The following ACYP2 variants were observed in gnomAD, a reference collection of about 807,000 sequenced individuals.
ACYP2 encodes the protein acylphosphatase 2.
Under a neutral mutation model 11.2 loss-of-function variants are expected in ACYP2, and 12 were observed. That is an observed-to-expected ratio of 1.08 (90% CI 0.69 to 1.74). ACYP2 has a LOEUF of 1.74. ACYP2 is among the 40% of genes most tolerant of loss of function. The pLI is 0.00. For missense variants in ACYP2, 134 were observed against 101.9 expected, an observed-to-expected ratio of 1.31 and a Z score of -1.35; for synonymous variants, 43 against 32.2, an observed-to-expected ratio of 1.33 and a Z score of -1.13.
chr2:54,274,472 C>T (rs71413259), intron 6 of ACYP2, among the ~76,000 whole-genome samples: 1 of 151,688 alleles, frequency 6.6e-6, no homozygotes. Flanking sequence ...GAGCCCATTT[C>T]TACAAAATAA....
At chr2:54,149,144 AAG>A (rs1386458079) in intron 6 of ACYP2, among the ~76,000 whole-genome samples, 4 of 152,230 alleles carry the variant, frequency 2.6e-5, no homozygotes, top group South Asian at 2.1e-4. Flanking sequence ...TATTTTTAAA[AAG>A]AGAAAAATTT....
At chr2:54,069,428 C>T (rs1049871681) in intron 4 of ACYP2, among the ~76,000 whole-genome samples, 7 of 151,914 alleles carry the variant, frequency 4.6e-5, no homozygotes, top group African/African-American at 1.7e-4. Flanking sequence ...TTTGGGAGGC[C>T]GAGGCGGGTG....
At chr2:54,035,095 C>G (rs1014089848) in intron 2 of ACYP2, among the ~76,000 whole-genome samples, 3 of 150,392 alleles carry the variant, frequency 2.0e-5, no homozygotes, top group Non-Finnish European at 3.0e-5. Flanking sequence ...TTTAAGAGCC[C>G]CAGCCTTGGG....
rs543309574 is a variant in ACYP2 at position 54,041,019 on chromosome 2, G to C, written c.63-9939G>C. On this transcript the variant is annotated intron_variant, in intron 2 of 6. Coordinates refer to ENST00000607452, the MANE Select transcript of ACYP2 (RefSeq NM_001320586.2). ...AGAATTGCTGGAGTGATGTCCTTGA[G>C]TAGGTGGTGTCTGGTTCACAAGGAA... Among the ~76,000 whole-genome samples, 4 of 152,316 alleles carry C rather than the reference G, an allele frequency of 2.6e-5. 1 individual carries two copies. Among genetic ancestry groups the C allele is most frequent in the African/African-American group, 9.6e-5 (4 of 41,580 alleles).
intron 6 of ACYP2, among the ~76,000 whole-genome samples, chr2:54,176,061 A>G (rs1683447291): frequency 6.6e-6 from 1 of 152,150 alleles, no homozygotes; most frequent in Admixed American, 6.6e-5. Flanking sequence ...TGGTGCCTCA[A>G]TCTTGGAATT....
intron 6 of ACYP2, among the ~76,000 whole-genome samples, chr2:54,198,343 T>G (rs562214526): frequency 3.9e-5 from 6 of 152,002 alleles, no homozygotes; most frequent in African/African-American, 1.4e-4. Context: ...AAGAACACTC[T>G]GGCTGCTGTG....
chr2:54,175,600 T>A (rs1212819812), intron 6 of ACYP2, among the ~76,000 whole-genome samples: 1 of 152,168 alleles, frequency 6.6e-6, no homozygotes, highest in Non-Finnish European at 1.5e-5. Context: ...CTCTTGCTTC[T>A]CTAGTTCTTT....
chr2:54,287,194 C>T (rs985318612), intron 6 of ACYP2, among the ~76,000 whole-genome samples: 16 of 151,896 alleles, frequency 1.1e-4, no homozygotes, highest in African/African-American at 3.4e-4. Context: ...ATCTCTTCTT[C>T]CAAGGTGGCA....
At chr2:54,115,178 C>A (rs1370200378) in intron 4 of ACYP2, among the ~76,000 whole-genome samples, 2 of 152,148 alleles carry the variant, frequency 1.3e-5, no homozygotes, top group African/African-American at 4.8e-5. Context: ...GAGAGTAGAT[C>A]TTAAATGTTC....
In ACYP2 at chr2:54,201,612, C is replaced by G. The variant is rs1232452600; in HGVS notation, c.404+62864C>G. 1.2e-3 allele frequency among the ~76,000 whole-genome samples: 94 copies of G among 77,804 alleles called. 2 individuals carry two copies. The highest frequency in any genetic ancestry group is 3.7e-3 in the African/African-American group (77 of 20,634). The allele number at this position is 77,804 out of a possible 152,430, so 51.0% of individuals were successfully genotyped here. On this transcript the variant is annotated intron_variant, in intron 6 of 6. Coordinates refer to ENST00000607452, the MANE Select transcript of ACYP2 (RefSeq NM_001320586.2). The stretch of plus-strand genomic sequence containing the variant: ...TTTCTTTCTCTTTCTTTCTTTCTTT[C>G]TTTCTTTCTTTGTTTCTTTCTTTCT...
chr2:54,118,508 G>A (rs1477940736), intron 4 of ACYP2, among the ~76,000 whole-genome samples: 1 of 152,182 alleles, frequency 6.6e-6, no homozygotes, highest in Non-Finnish European at 1.5e-5. Flanking sequence ...CAGTAACTTG[G>A]ACAAGCCCTT....
intron 6 of ACYP2, among the ~76,000 whole-genome samples, chr2:54,286,177 G>A (rs1241333255): frequency 6.6e-6 from 1 of 150,558 alleles, no homozygotes; most frequent in Non-Finnish European, 1.5e-5. Context: ...AGGATTTCTT[G>A]AGCCCAGGCA....
chr2:54,009,756 T>C (rs1673263198), intron 2 of ACYP2, among the ~76,000 whole-genome samples: 1 of 152,114 alleles, frequency 6.6e-6, no homozygotes, highest in Non-Finnish European at 1.5e-5. Flanking sequence ...GTAACCAGGC[T>C]ACAAGGAGGA....
At chr2:53,997,259 A>G (rs1672615476) in intron 2 of ACYP2, among the ~76,000 whole-genome samples, 1 of 152,294 alleles carries the variant, frequency 6.6e-6, no homozygotes, top group South Asian at 2.1e-4. Flanking sequence ...CCTCAGAAGT[A>G]TATCAATATG....
chr2:54,160,868 T>C (rs1682680108), intron 6 of ACYP2, among the ~76,000 whole-genome samples: 2 of 152,102 alleles, frequency 1.3e-5, no homozygotes, highest in African/African-American at 4.8e-5. Context: ...AGAAGGGAGA[T>C]TGGAATCAAG....
chr2:53,980,432 T>C (rs1184014046), intron 2 of ACYP2, among the ~76,000 whole-genome samples: 1 of 151,714 alleles, frequency 6.6e-6, no homozygotes, highest in Non-Finnish European at 1.5e-5. Context: ...AAAGAAAATA[T>C]TGAGTCCAGG....
At chr2:54,016,397 A>G (rs1326891686) in intron 2 of ACYP2, among the ~76,000 whole-genome samples, 1 of 151,740 alleles carries the variant, frequency 6.6e-6, no homozygotes, top group Non-Finnish European at 1.5e-5. Context: ...GCTAATTTAT[A>G]AGGCTCAAAT....
At chr2:54,146,799 CTTT>C (rs112108365) in intron 6 of ACYP2, among the ~76,000 whole-genome samples, 1 of 143,796 alleles carries the variant, frequency 7.0e-6, no homozygotes, top group Non-Finnish European at 1.5e-5. Context: ...TGCATTGTCT[CTTT>C]TTTTTTTTTT....
At chr2:54,078,523 T>A (rs1572703966) in intron 4 of ACYP2, among the ~76,000 whole-genome samples, 1 of 151,902 alleles carries the variant, frequency 6.6e-6, no homozygotes. Context: ...TCCTCTATTG[T>A]CATCTTGAAC....
Sources: gnomAD v4.1 joint callset for allele counts (sites outside exome capture counted in the v4.1 genomes callset) on GRCh38, gnomAD v4.1.1 for gene constraint, MANE v1.5 for transcripts, NCBI Gene and HGNC (gene_info 2026-07-23, HGNC 2026-07-21) for gene names.